Variants in FGF13 observed in about 807,000 individuals in gnomAD.
FGF13 encodes the protein fibroblast growth factor homologous factor 2.
FGF13 carries 2 observed loss-of-function variants against 19.5 expected under a neutral mutation model. The ratio of observed to expected loss-of-function variants is 0.10; its 90% confidence interval spans 0.04 to 0.32. The LOEUF is 0.32. Among genes scored for constraint, FGF13 ranks in the 10% least tolerant of loss-of-function variants. FGF13 has a pLI of 1.00. For missense variants in FGF13, 113 were observed against 192.7 expected, an observed-to-expected ratio of 0.59 and a Z score of 2.45; for synonymous variants, 72 against 76.9, an observed-to-expected ratio of 0.94 and a Z score of 0.33.
intron 3 of FGF13, among the ~76,000 whole-genome samples, chrX:138,771,729 AAAG>A (rs1377626748): frequency 3.6e-5 from 4 of 110,144 alleles, no homozygotes; most frequent in Admixed American, 2.9e-4. Flanking sequence ...TCTGGAAGAT[AAAG>A]AAGCTCTTCT....
chrX:138,754,282 T>C (rs2090417867), intron 3 of FGF13, among the ~76,000 whole-genome samples: 1 of 111,742 alleles, frequency 8.9e-6, no homozygotes, highest in African/African-American at 3.3e-5. Flanking sequence ...CATAAGGACA[T>C]GAATATTTGT....
chrX:138,799,869 A>C (rs2090814250), intron 3 of FGF13, among the ~76,000 whole-genome samples: 1 of 110,866 alleles, frequency 9.0e-6, no homozygotes, highest in East Asian at 2.8e-4. Flanking sequence ...TGTTGGTTTA[A>C]ATTTGTTTTA....
chrX:138,814,764 T>A (rs1267853048), intron 3 of FGF13, among the ~76,000 whole-genome samples: 3 of 111,298 alleles, frequency 2.7e-5, no homozygotes, highest in Non-Finnish European at 5.7e-5. Context: ...AGTACAGCTA[T>A]CATGGAAAAC....
chrX:138,910,858 A>G (rs2091583923), intron 1 of FGF13, among the ~76,000 whole-genome samples: 1 of 112,216 alleles, frequency 8.9e-6, no homozygotes, highest in Admixed American at 9.4e-5. Flanking sequence ...GGCTGATCTG[A>G]TTTCCAAAGC....
chrX:139,022,372 T>G (rs1344454331), intron 1 of FGF13, among the ~76,000 whole-genome samples: 1 of 112,259 alleles, frequency 8.9e-6, no homozygotes, highest in Admixed American at 9.4e-5. Flanking sequence ...TTCTGTATTA[T>G]TTTTAGGCAC....
At chrX:138,728,938 A>C (rs1200169739) in intron 1 of FGF13, among the ~76,000 whole-genome samples, 2 of 111,480 alleles carry the variant, frequency 1.8e-5, no homozygotes, top group Admixed American at 1.9e-4. Flanking sequence ...AATAAGGTAA[A>C]GTCTGTGGTG....
At chrX:138,880,400 T>C (rs2124179831) in intron 1 of FGF13, among the ~76,000 whole-genome samples, 1 of 112,065 alleles carries the variant, frequency 8.9e-6, no homozygotes, top group Non-Finnish European at 1.9e-5. Flanking sequence ...ACTGTGGCAC[T>C]ATTTACAATA....
chrX:139,005,193 G>GGCCCCCC (rs2092095550), intron 1 of FGF13, among the ~76,000 whole-genome samples: 1 of 24,647 alleles, frequency 4.1e-5, no homozygotes, highest in Non-Finnish European at 1.1e-4. Flanking sequence ...TTGTGTCACT[G>GGCCCCCC]CCCCCCCCCC....
intron 1 of FGF13, among the ~76,000 whole-genome samples, chrX:138,986,829 ATAT>A (rs2091996399): frequency 1.8e-5 from 2 of 112,293 alleles, no homozygotes; most frequent in African/African-American, 6.5e-5. Flanking sequence ...TTGTCACATG[ATAT>A]TATAAAAATT....
In FGF13 at chrX:138,617,423, C is replaced by T. The variant is rs751191440; in HGVS notation, c.*15427G>A. 8.9e-6 allele frequency: 1 copy of T among 112,090 alleles called. No individual in the cohort carries two copies. Among genetic ancestry groups the T allele is most frequent in the African/African-American group, 3.2e-5 (1 of 30,927 alleles). 9.2% of individuals were successfully genotyped at this position (112,090 alleles called of 1,213,427 possible). On this transcript the variant is annotated 3_prime_UTR_variant, in exon 5 of 5. Transcript: ENST00000315930. Reference sequence around the variant, plus strand: ...AATACTTGGAAGTGAATATAATCAACTAACTTGCAACCGTAAGTTGGAGAT... The same window carrying T: ...AATACTTGGAAGTGAATATAATCAATTAACTTGCAACCGTAAGTTGGAGAT...
chrX:138,655,756 GTTA>G (rs10597371), intron 3 of FGF13, among the ~76,000 whole-genome samples: 1,735 of 111,688 alleles, frequency 0.016, 24 homozygotes, highest in African/African-American at 0.053. Flanking sequence ...ATATTAAAGT[GTTA>G]TTATTATGTT....
At chrX:138,940,881 T>C (rs2091754816) in intron 1 of FGF13, among the ~76,000 whole-genome samples, 1 of 111,648 alleles carries the variant, frequency 9.0e-6, no homozygotes, top group Non-Finnish European at 1.9e-5. Context: ...CTTTGTCCTT[T>C]TTGCTCAGGA....
rs2091578367 is a variant in FGF13, at chrX:138,909,918, C to G, written c.-112-45268G>C. ...AGGAGTGTGCCATAATCTAATGAGT[C>G]TGGGAAACACAGGAGCAAAAAAAAA... On this transcript the variant is annotated intron_variant, in intron 1 of 2. Coordinates refer to the FGF13 transcript ENST00000421460. 1.8e-5 allele frequency among the ~76,000 whole-genome samples: 2 copies of G among 110,892 alleles called. 1 individual carries two copies. The highest frequency in any genetic ancestry group is 6.6e-5 in the African/African-American group (2 of 30,452).
intron 1 of FGF13, among the ~76,000 whole-genome samples, chrX:138,948,628 T>A (rs1243958293): frequency 8.9e-6 from 1 of 111,840 alleles, no homozygotes; most frequent in African/African-American, 3.3e-5. Context: ...TTTTTAGGCA[T>A]TAAGACAAAA....
At chrX:138,707,263 T>C (rs1427052258) in intron 2 of FGF13, among the ~76,000 whole-genome samples, 1 of 111,448 alleles carries the variant, frequency 9.0e-6, no homozygotes, top group Non-Finnish European at 1.9e-5. Context: ...ACATGAATTA[T>C]CTACTTTTTT....
At chrX:138,990,912 A>G (rs769546563) in intron 1 of FGF13, among the ~76,000 whole-genome samples, 2 of 112,087 alleles carry the variant, frequency 1.8e-5, no homozygotes, top group East Asian at 5.7e-4. Flanking sequence ...TCCTTGGGAA[A>G]AGACAGTCCC....
chrX:138,770,885 C>T (rs1478379680), intron 3 of FGF13, among the ~76,000 whole-genome samples: 1 of 111,430 alleles, frequency 9.0e-6, no homozygotes, highest in Non-Finnish European at 1.9e-5. Context: ...ATGTCTGGGT[C>T]GGTGTGGGGT....
At chrX:138,774,416 A>G (rs999574247) in intron 3 of FGF13, among the ~76,000 whole-genome samples, 10 of 111,618 alleles carry the variant, frequency 9.0e-5, no homozygotes, top group Admixed American at 2.9e-4. Context: ...GGTGGGCAGT[A>G]TGTGATCTCA....
chrX:139,039,815 T>C (rs903038662), intron 1 of FGF13, among the ~76,000 whole-genome samples: 1 of 111,645 alleles, frequency 9.0e-6, no homozygotes, highest in African/African-American at 3.3e-5. Flanking sequence ...CTAAGTCTCC[T>C]GATACATTTA....
Sources: gnomAD v4.1 joint callset for allele counts (sites outside exome capture counted in the v4.1 genomes callset) on GRCh38, gnomAD v4.1.1 for gene constraint, MANE v1.5 for transcripts, NCBI Gene and HGNC (gene_info 2026-07-23, HGNC 2026-07-21) for gene names.